CDC40: variants seen among roughly 807,000 people sequenced by gnomAD.
The protein encoded by CDC40 is pre-mRNA-processing factor 17.
A neutral mutation model predicts 80.6 loss-of-function variants in CDC40; 27 were observed. That is an observed-to-expected ratio of 0.33 (90% confidence interval 0.25 to 0.46). CDC40 has a LOEUF of 0.46. Among genes scored for constraint, CDC40 ranks in the 20% least tolerant of loss-of-function variants. CDC40 has a pLI of 1.00. For missense variants in CDC40, 486 were observed against 694.1 expected, an observed-to-expected ratio of 0.70 and a Z score of 3.37; for synonymous variants, 221 against 232.6, an observed-to-expected ratio of 0.95 and a Z score of 0.45.
At position 110,230,035 on chromosome 6, in the gene CDC40, T is replaced by A; in HGVS notation, c.1644T>A (p.Ala548=). The A allele has an allele frequency of 6.2e-7, 1 of 1,612,396 alleles. No individual in the cohort carries two copies. Among genetic ancestry groups the A allele is most frequent in the Non-Finnish European group, 8.5e-7 (1 of 1,178,554 alleles). The stretch of plus-strand genomic sequence containing the variant: ...CAAAACTCTACAGTCGATTTAAAGC[T>A]CATGATAAAGTGTGTATAGGTGCAG... The part of the protein sequence containing the change: ...KTTKLYSRFK[A]HDKVCIGAVW... The change falls in exon 15 of 15, where the codon GCT becomes GCA. Residue 548 remains alanine, a synonymous_variant. Coordinates refer to ENST00000307731, the MANE Select transcript of CDC40 (RefSeq NM_015891.3).
intron 7 of CDC40, 95 bp from the exon 8 acceptor site, chr6:110,212,991 A>G: frequency 1.1e-6 from 1 of 878,746 alleles, no homozygotes; most frequent in Non-Finnish European, 1.9e-6. Context: ...AAAATAGCAA[A>G]TTAGGCTGCT....
chr6:110,213,392 TTTG>T (rs1777661419), intron 8 of CDC40, among the ~76,000 whole-genome samples: 1 of 150,386 alleles, frequency 6.6e-6, no homozygotes, highest in Admixed American at 6.6e-5. Flanking sequence ...TTTTTGTTTT[TTTG>T]TTTTTTTTTT....
intron 12 of CDC40, among the ~76,000 whole-genome samples, chr6:110,225,797 A>G (rs1777850047): frequency 6.6e-6 from 1 of 152,260 alleles, no homozygotes; most frequent in Non-Finnish European, 1.5e-5. Flanking sequence ...GGTTTTGGTT[A>G]CATGGATGAA....
chr6:110,187,747 C>T (rs1259681893), intron 1 of CDC40, among the ~76,000 whole-genome samples: 1 of 152,122 alleles, frequency 6.6e-6, no homozygotes, highest in African/African-American at 2.4e-5. Context: ...GTGAATATTA[C>T]CCAGTTTTAT....
chr6:110,196,458 CA>C (rs1244002458), intron 2 of CDC40, among the ~76,000 whole-genome samples: 2 of 152,144 alleles, frequency 1.3e-5, no homozygotes, highest in African/African-American at 2.4e-5. Context: ...TCATTTCACT[CA>C]ATTCTTTTTA....
intron 2 of CDC40, among the ~76,000 whole-genome samples, chr6:110,197,717 A>G (rs1391425370): frequency 6.6e-6 from 1 of 151,822 alleles, no homozygotes; most frequent in African/African-American, 2.4e-5. Flanking sequence ...TCCACTTAAC[A>G]TAATGCCCTC....
At chr6:110,192,380 A>G (rs1216483067) in intron 1 of CDC40, among the ~76,000 whole-genome samples, 1 of 152,220 alleles carries the variant, frequency 6.6e-6, no homozygotes, top group African/African-American at 2.4e-5. Context: ...AAAACTCCAG[A>G]TTTTTGCCTG....
chr6:110,203,661 A>G (rs1050719631), intron 3 of CDC40, among the ~76,000 whole-genome samples: 22 of 152,212 alleles, frequency 1.4e-4, no homozygotes, highest in African/African-American at 5.1e-4. Flanking sequence ...CAATGCAGTT[A>G]GTTTATCATA....
At chr6:110,228,634 C>G (rs1777895766) in intron 13 of CDC40, among the ~76,000 whole-genome samples, 198 bp from the exon 14 acceptor site, 1 of 151,778 alleles carries the variant, frequency 6.6e-6, no homozygotes, top group Non-Finnish European at 1.5e-5. Flanking sequence ...TATGCAAAAG[C>G]CATTAGTTTA....
At chr6:110,186,226 T>A (rs1484837079) in intron 1 of CDC40, among the ~76,000 whole-genome samples, 4 of 152,148 alleles carry the variant, frequency 2.6e-5, no homozygotes, top group Non-Finnish European at 5.9e-5. Context: ...GCAAATGCTT[T>A]CAGTTTTAGT....
chr6:110,186,541 C>T (rs771577024), intron 1 of CDC40, among the ~76,000 whole-genome samples: 3 of 152,102 alleles, frequency 2.0e-5, no homozygotes, highest in Admixed American at 6.5e-5. Context: ...CTGTATTTCT[C>T]GAAGGATATT....
At chr6:110,192,162 A>G (rs1324249328) in intron 1 of CDC40, among the ~76,000 whole-genome samples, 10 of 152,134 alleles carry the variant, frequency 6.6e-5, no homozygotes, top group African/African-American at 1.7e-4. Context: ...GAATCATACT[A>G]TCTCCTGTGG....
chr6:110,217,596 T>G, intron 9 of CDC40, 106 bp from the exon 10 acceptor site: 1 of 680,818 alleles, frequency 1.5e-6, no homozygotes, highest in South Asian at 1.5e-5. Flanking sequence ...GACTCACAGC[T>G]GAGAACCACT....
At chr6:110,201,485 T>A (rs1777492000) in intron 2 of CDC40, 73 bp from the exon 3 acceptor site, 1 of 1,157,332 alleles carries the variant, frequency 8.6e-7, no homozygotes, top group Non-Finnish European at 1.2e-6. Context: ...ATTCCAGTAA[T>A]TCTAACTTCC....
intron 5 of CDC40, 38 bp downstream of exon 5, chr6:110,209,261 C>T (rs760629376): frequency 6.4e-6 from 10 of 1,559,084 alleles, no homozygotes; most frequent in Middle Eastern, 1.7e-4. Context: ...TTCAGGTATA[C>T]GCTGTATCTC....
rs543250939 is a variant in CDC40 at position 110,194,210 on chromosome 6, G to A, written c.276+942G>A. On this transcript the variant is annotated intron_variant, in intron 2 of 14. Transcript: ENST00000307731. Reference sequence around the variant, plus strand: ...TTAAAATGGAAAAGAATGCTTGATTGATGAAATAGAGATGCCAGAAAATGG... The same window carrying A: ...TTAAAATGGAAAAGAATGCTTGATTAATGAAATAGAGATGCCAGAAAATGG... Among the ~76,000 whole-genome samples the A allele has an allele frequency of 3.9e-5, 6 of 152,290 alleles. No individual in the cohort carries two copies. In the South Asian group the frequency reaches 1.2e-3, roughly 32 times the overall value.
At chr6:110,215,262 T>C (rs1250063592) in intron 8 of CDC40, 24 bp from the exon 9 acceptor site, 1 of 1,597,434 alleles carries the variant, frequency 6.3e-7, no homozygotes, top group Admixed American at 1.7e-5. Flanking sequence ...AATATTTCCA[T>C]GTGTTGTTTT....
At chr6:110,187,017 C>T (rs566405951) in intron 1 of CDC40, among the ~76,000 whole-genome samples, 1 of 152,186 alleles carries the variant, frequency 6.6e-6, no homozygotes, top group Non-Finnish European at 1.5e-5. Flanking sequence ...GTCTCGCTGT[C>T]TCCCAGGCTG....
chr6:110,226,100 T>C, intron 12 of CDC40, 67 bp from the exon 13 acceptor site: 1 of 804,674 alleles, frequency 1.2e-6, no homozygotes, highest in Non-Finnish European at 2.2e-6. Flanking sequence ...ATTCCTTTGT[T>C]CCAGAGATAA....
Sources: gnomAD v4.1 joint callset for allele counts (sites outside exome capture counted in the v4.1 genomes callset) on GRCh38, gnomAD v4.1.1 for gene constraint, MANE v1.5 for transcripts, NCBI Gene and HGNC (gene_info 2026-07-23, HGNC 2026-07-21) for gene names.